TPX2: variants seen among roughly 807,000 people sequenced by gnomAD.
The protein encoded by TPX2 is targeting protein for Xklp2.
In TPX2, 21 loss-of-function variants were observed where a neutral mutation model predicts 93.6. That is an observed-to-expected ratio of 0.22 (90% CI 0.16 to 0.32). The LOEUF is 0.32. Ranked by LOEUF, TPX2 falls within the 10% of genes least tolerant of loss-of-function variation. TPX2 has a pLI of 1.00. For synonymous variants in TPX2, 281 were observed against 298.3 expected (o/e 0.94, Z 0.60); for missense variants, 776 against 871.1 (o/e 0.89, Z 1.37).
At chr20:31,798,663 G>A in intron 17 of TPX2, 111 bp downstream of exon 17, 29 of 1,301,532 alleles carry the variant, frequency 2.2e-5, no homozygotes, top group Non-Finnish European at 3.0e-5. Context: ...CTGTACCAAA[G>A]ACAATGAGTG....
chr20:31,777,217 C>A (rs1184063964), intron 8 of TPX2, among the ~76,000 whole-genome samples: 1 of 152,172 alleles, frequency 6.6e-6, no homozygotes, highest in Non-Finnish European at 1.5e-5. Flanking sequence ...ATAGCTATGA[C>A]CACACCTAGG....
chr20:31,766,881 A>T (rs1266715950), intron 5 of TPX2, among the ~76,000 whole-genome samples, 199 bp downstream of exon 5: 2 of 148,240 alleles, frequency 1.3e-5, no homozygotes. Context: ...GCTCACTGCA[A>T]CCTCTGCCCC....
intron 2 of TPX2, among the ~76,000 whole-genome samples, chr20:31,744,947 C>G (rs1018030771): frequency 2.6e-5 from 4 of 151,988 alleles, no homozygotes; most frequent in Non-Finnish European, 5.9e-5. Flanking sequence ...ATTAGCCAGG[C>G]ATGATGACGG....
chr20:31,771,796 TG>T, intron 7 of TPX2, 114 bp downstream of exon 7: 2 of 1,244,980 alleles, frequency 1.6e-6, no homozygotes, highest in Non-Finnish European at 2.2e-6. Context: ...GCTTTGACCA[TG>T]GTGAGGTGAA....
At chr20:31,782,147 T>C in intron 10 of TPX2, 102 bp from the exon 11 acceptor site, 1 of 1,440,462 alleles carries the variant, frequency 6.9e-7, no homozygotes, top group Non-Finnish European at 9.3e-7. Flanking sequence ...CCCACCACTC[T>C]GTGGTTGGTT....
intron 3 of TPX2, among the ~76,000 whole-genome samples, chr20:31,759,575 A>G (rs1177715846): frequency 6.6e-6 from 1 of 151,266 alleles, no homozygotes; most frequent in Non-Finnish European, 1.5e-5. Flanking sequence ...AATTTTTTGT[A>G]TTTTAGTAGA....
chr20:31,741,295 TG>T (rs368211829), intron 1 of TPX2, among the ~76,000 whole-genome samples: 4 of 151,928 alleles, frequency 2.6e-5, no homozygotes, highest in South Asian at 4.1e-4. Context: ...ACTATAGAGT[TG>T]TTTTTTTTGT....
At chr20:31,789,492 G>T (rs184742532) in intron 12 of TPX2, among the ~76,000 whole-genome samples, 2 of 152,152 alleles carry the variant, frequency 1.3e-5, no homozygotes, top group Admixed American at 1.3e-4. Flanking sequence ...ACCAACATAT[G>T]TTCATTGAAC....
At chr20:31,765,977 C>A (rs1401195915) in intron 4 of TPX2, among the ~76,000 whole-genome samples, 1 of 152,160 alleles carries the variant, frequency 6.6e-6, no homozygotes, top group Non-Finnish European at 1.5e-5. Flanking sequence ...TCTGGATATA[C>A]TCCTTCATTA....
intron 12 of TPX2, among the ~76,000 whole-genome samples, chr20:31,789,371 C>T (rs1253698127): frequency 2.0e-5 from 3 of 152,136 alleles, no homozygotes; most frequent in Admixed American, 6.6e-5. Context: ...AGCTGACATG[C>T]ACCTAGACAC....
chr20:31,798,877 ACAGAAT>A (rs1225467602), intron 17 of TPX2, among the ~76,000 whole-genome samples: 1 of 152,246 alleles, frequency 6.6e-6, no homozygotes, highest in Non-Finnish European at 1.5e-5. Flanking sequence ...GAATTTTTAG[ACAGAAT>A]TTCTTCCGGA....
chr20:31,778,132 A>G (rs1215786178), intron 9 of TPX2, among the ~76,000 whole-genome samples: 3 of 152,228 alleles, frequency 2.0e-5, no homozygotes, highest in African/African-American at 2.4e-5. Context: ...AATCTCATGC[A>G]GTTTTGTTAC....
In TPX2 at chr20:31,760,028, C is replaced by T. The variant is rs74512745; in HGVS notation, c.107-29C>T. On this transcript the variant is annotated intron_variant, in intron 3 of 17. Transcript: ENST00000300403. ...TGATTTGTTTTGCTTCCTTGCTGAT[C>T]AGACAATGATGATCTTCCCTTTTCA... 4,157 of 1,608,548 alleles carry T rather than the reference C, an allele frequency of 2.6e-3. 169 individuals are homozygous for T. In the East Asian group the frequency reaches 0.08, roughly 31 times the overall value.
At chr20:31,753,705 C>T (rs1292034135) in intron 2 of TPX2, among the ~76,000 whole-genome samples, 2 of 152,116 alleles carry the variant, frequency 1.3e-5, no homozygotes, top group Non-Finnish European at 1.5e-5. Flanking sequence ...AGATTGATGT[C>T]ACTGTATAAA....
At chr20:31,770,558 T>C (rs946736309) in intron 6 of TPX2, 87 bp downstream of exon 6, 6 of 1,184,402 alleles carry the variant, frequency 5.1e-6, no homozygotes, top group Non-Finnish European at 6.8e-6. Context: ...ATTTACACTT[T>C]AGATTGAATA....
At chr20:31,756,632 A>T (rs1355989748) in intron 2 of TPX2, among the ~76,000 whole-genome samples, 2 of 151,362 alleles carry the variant, frequency 1.3e-5, no homozygotes, top group African/African-American at 2.4e-5. Context: ...ATTTATTATT[A>T]TTTTTTTTGA....
At position 31,798,503 on chromosome 20, in the gene TPX2, A is replaced by G. The variant is rs773827848; in HGVS notation, c.2084A>G (p.Gln695Arg). The G allele has an allele frequency of 6.2e-7, 1 of 1,613,102 alleles. No individual in the cohort carries two copies. The highest frequency in any genetic ancestry group is 8.5e-7 in the Non-Finnish European group (1 of 1,179,930). Residue 695 changes from glutamine to arginine, a missense_variant, in exon 17 of 18, where the codon CAG (glutamine) becomes CGG (arginine). Physicochemically the swap from Gln to Arg is conservative, Grantham distance 43. Around this residue, in one of 3 missense-constraint regions of TPX2, gnomAD observed 461 missense variants for 551.2 expected, o/e 0.84. Coordinates refer to ENST00000300403, the MANE Select transcript of TPX2 (RefSeq NM_012112.5). ...KAQQLEEARL[Q>R]EEEQKKEELA... Reference sequence around the variant, plus strand: ...CAGCAGTTGGAGGAGGCCAGACTACAGGAGGAAGAGCAGAAAAAAGAGGAG... The same window carrying G: ...CAGCAGTTGGAGGAGGCCAGACTACGGGAGGAAGAGCAGAAAAAAGAGGAG...
At chr20:31,760,615 T>C (rs2061883601) in intron 4 of TPX2, among the ~76,000 whole-genome samples, 1 of 152,088 alleles carries the variant, frequency 6.6e-6, no homozygotes, top group Admixed American at 6.6e-5. Flanking sequence ...CCTCAGGGGC[T>C]TCCCAAAGTG....
rs538905457 is a variant in TPX2 at position 31,769,274 on chromosome 20, G to A, written c.357-1069G>A. Among the ~76,000 whole-genome samples the A allele has an allele frequency of 9.6e-5, 14 of 146,256 alleles. No individual in the cohort carries two copies. The East Asian group carries it at 2.4e-3, about 25-fold the overall frequency. On this transcript the variant is annotated intron_variant, in intron 5 of 17. Coordinates refer to ENST00000300403, the MANE Select transcript of TPX2 (RefSeq NM_012112.5). ...CTAACATACCATGTTTACGTAATAC[G>A]TGCTTATTTGGTAAAACAATAAGGA...
Sources: gnomAD v4.1 joint callset for allele counts (sites outside exome capture counted in the v4.1 genomes callset) on GRCh38, gnomAD v4.1.1 for gene constraint, gnomAD v4.1.1 regional missense constraint, MANE v1.5 for transcripts, NCBI Gene and HGNC (gene_info 2026-07-23, HGNC 2026-07-21) for gene names.